Variants in AMPH observed in about 807,000 individuals in gnomAD.
AMPH encodes amphiphysin (Stiff-Mann syndrome with breast cancer 128kD autoantigen).
In AMPH, 49 loss-of-function variants were observed where a neutral mutation model predicts 99.1. That is an observed-to-expected ratio of 0.49 (90% confidence interval 0.39 to 0.63). The LOEUF is 0.63. Among genes scored for constraint, AMPH ranks in the 20% least tolerant of loss-of-function variants. The pLI, the probability that AMPH is intolerant of heterozygous loss-of-function variation, is 0.00. For missense variants in AMPH, 759 were observed against 863.4 expected (o/e 0.88, Z 1.52); for synonymous variants, 314 against 317.3 (o/e 0.99, Z 0.11).
chr7:38,403,441 C>T (rs1170310808), intron 17 of AMPH, among the ~76,000 whole-genome samples: 2 of 152,224 alleles, frequency 1.3e-5, no homozygotes, highest in East Asian at 1.9e-4. Context: ...CCTCCAGGTG[C>T]ACTCGGACTC....
At chr7:38,530,116 A>T (rs1790339798) in intron 2 of AMPH, among the ~76,000 whole-genome samples, 2 of 152,226 alleles carry the variant, frequency 1.3e-5, no homozygotes, top group Admixed American at 1.3e-4. Context: ...AATTTCTGCC[A>T]CTAGTTCAGC....
chr7:38,488,871 C>G (rs997647873), intron 5 of AMPH, among the ~76,000 whole-genome samples: 6 of 152,188 alleles, frequency 3.9e-5, no homozygotes, highest in African/African-American at 1.4e-4. Flanking sequence ...GAATGGCATC[C>G]TGGGTGCACA....
chr7:38,562,613 T>C (rs1791593748), intron 1 of AMPH, among the ~76,000 whole-genome samples: 1 of 151,080 alleles, frequency 6.6e-6, no homozygotes, highest in Admixed American at 6.6e-5. Flanking sequence ...AATATTGGGA[T>C]TGTAACAAAA....
At position 38,456,864 on chromosome 7, in the gene AMPH, C is replaced by T. The variant is rs145665818; in HGVS notation, c.1017+4419G>A. On this transcript the variant is annotated intron_variant, in intron 11 of 20. Transcript: ENST00000356264. ...CCAAGCACAAGCAATGCTCAGTCTA[C>T]CACTGCCTCCACTGGGGCCCAAAGA... Among the ~76,000 whole-genome samples, 81 of 152,316 alleles carry T rather than the reference C, an allele frequency of 5.3e-4. No homozygotes were observed. The East Asian group carries it at 0.012, about 23-fold the overall frequency.
rs371397487 is a variant in AMPH at position 38,465,464 on chromosome 7, T to A, written c.749+3A>T. ...ACAGGTGCTCCAATGAGCAGGGGCC[T>A]ACCTGGGCGCTCCTTGGATGGTGAA... On this transcript the variant is annotated splice_donor_region_variant and intron_variant, in intron 9 of 20. Coordinates refer to ENST00000356264, the MANE Select transcript of AMPH (RefSeq NM_001635.4). 1.3e-6 allele frequency: 2 copies of A among 1,570,018 alleles called. No homozygotes were observed. Among genetic ancestry groups the A allele is most frequent in the African/African-American group, 2.7e-5 (2 of 74,488 alleles).
chr7:38,489,404 T>C (rs1172220265), intron 5 of AMPH, among the ~76,000 whole-genome samples: 1 of 145,802 alleles, frequency 6.9e-6, no homozygotes. Context: ...GAAGAAAAGT[T>C]GAGGGGGGGG....
At chr7:38,623,304 G>A (rs867499778) in intron 1 of AMPH, among the ~76,000 whole-genome samples, 5 of 152,264 alleles carry the variant, frequency 3.3e-5, no homozygotes, top group Middle Eastern at 3.4e-3. Flanking sequence ...TTGTGTTAAA[G>A]GAGAATGGTA....
At chr7:38,620,317 A>G (rs1441705953) in intron 1 of AMPH, among the ~76,000 whole-genome samples, 1 of 143,276 alleles carries the variant, frequency 7.0e-6, no homozygotes, top group Non-Finnish European at 1.5e-5. Context: ...TTATATACCA[A>G]TTCATTGGAG....
intron 19 of AMPH, among the ~76,000 whole-genome samples, chr7:38,390,202 T>C (rs185922250): frequency 6.6e-6 from 1 of 152,354 alleles, no homozygotes; most frequent in East Asian, 1.9e-4. Context: ...GATGCTTTAT[T>C]ACTGTTTGTT....
At chr7:38,412,492 T>C (rs1785243960) in intron 17 of AMPH, among the ~76,000 whole-genome samples, 1 of 152,126 alleles carries the variant, frequency 6.6e-6, no homozygotes, top group South Asian at 2.1e-4. Flanking sequence ...TGGTAGGTGG[T>C]TAATGAATAC....
intron 17 of AMPH, among the ~76,000 whole-genome samples, chr7:38,408,119 T>A (rs1785104443): frequency 4.6e-5 from 7 of 152,190 alleles, no homozygotes. Flanking sequence ...AAACAGTTTG[T>A]CTAACTCTAA....
intron 17 of AMPH, among the ~76,000 whole-genome samples, chr7:38,400,546 A>G (rs1318777957): frequency 6.6e-6 from 1 of 152,260 alleles, no homozygotes; most frequent in Non-Finnish European, 1.5e-5. Context: ...GTTATCAATC[A>G]TGTAAAATAG....
intron 1 of AMPH, among the ~76,000 whole-genome samples, chr7:38,575,408 T>C (rs887402472): frequency 6.6e-6 from 1 of 152,214 alleles, no homozygotes; most frequent in African/African-American, 2.4e-5. Context: ...TTGGTTTGGC[T>C]GTGTCCCCAC....
chr7:38,523,208 T>A (rs1360615424), intron 2 of AMPH, among the ~76,000 whole-genome samples: 3 of 151,960 alleles, frequency 2.0e-5, no homozygotes, highest in African/African-American at 7.3e-5. Context: ...ATAATATAGA[T>A]GTCTGTGTGT....
chr7:38,548,807 G>A (rs1353931975), intron 1 of AMPH, among the ~76,000 whole-genome samples: 1 of 152,220 alleles, frequency 6.6e-6, no homozygotes, highest in Non-Finnish European at 1.5e-5. Flanking sequence ...AACTGGTTAG[G>A]ACTAGGTGTG....
At chr7:38,572,950 A>C (rs1372268906) in intron 1 of AMPH, among the ~76,000 whole-genome samples, 2 of 152,166 alleles carry the variant, frequency 1.3e-5, no homozygotes, top group African/African-American at 4.8e-5. Context: ...CATCCCCAAC[A>C]GCAAAAAGCG....
intron 1 of AMPH, among the ~76,000 whole-genome samples, chr7:38,560,336 G>A (rs906924025): frequency 3.3e-5 from 5 of 152,134 alleles, no homozygotes; most frequent in East Asian, 3.9e-4. Context: ...AGCCAATAGC[G>A]AATCAACCAC....
At chr7:38,451,940 C>T (rs1787054079) in intron 11 of AMPH, among the ~76,000 whole-genome samples, 1 of 152,128 alleles carries the variant, frequency 6.6e-6, no homozygotes. Flanking sequence ...ACCATTGGGT[C>T]ATAACCACGG....
chr7:38,497,753 C>A (rs554221044), intron 3 of AMPH, among the ~76,000 whole-genome samples: 26 of 152,146 alleles, frequency 1.7e-4, no homozygotes, highest in Non-Finnish European at 3.7e-4. Flanking sequence ...CAAAGGAAAG[C>A]AAGAGTGGGC....
Sources: allele counts gnomAD v4.1 joint callset (sites outside exome capture counted in the v4.1 genomes callset), GRCh38; gene constraint gnomAD v4.1.1; transcripts MANE v1.5; gene names NCBI Gene and HGNC (gene_info 2026-07-23, HGNC 2026-07-21).